ANKRD6: variants seen among roughly 807,000 people sequenced by gnomAD.
ANKRD6 encodes the protein ankyrin repeat domain-containing protein 6.
Under a neutral mutation model 82.3 loss-of-function variants are expected in ANKRD6, and 56 were observed. The observed-to-expected ratio is 0.68, with a 90% CI of 0.55 to 0.85. ANKRD6 has a LOEUF of 0.85. Ranked by LOEUF, ANKRD6 falls within the 40% of genes least tolerant of loss-of-function variation. The pLI, the probability that ANKRD6 is intolerant of heterozygous loss-of-function variation, is 0.00. For missense variants in ANKRD6, 852 were observed against 907.6 expected (o/e 0.94, Z 0.79); for synonymous variants, 347 against 352.1 (o/e 0.99, Z 0.16).
At chr6:89,516,074 A>T (rs1781178355) in intron 1 of ANKRD6, among the ~76,000 whole-genome samples, 1 of 152,134 alleles carries the variant, frequency 6.6e-6, no homozygotes, top group Non-Finnish European at 1.5e-5. Flanking sequence ...TGTGAGTGTG[A>T]TGGTTAATTT....
chr6:89,528,135 T>C (rs1782735121), intron 1 of ANKRD6, among the ~76,000 whole-genome samples: 1 of 152,216 alleles, frequency 6.6e-6, no homozygotes, highest in South Asian at 2.1e-4. Flanking sequence ...AGTCAGACGA[T>C]AGTGAGTTTG....
intron 1 of ANKRD6, among the ~76,000 whole-genome samples, chr6:89,518,200 C>G (rs1184641495): frequency 6.6e-6 from 1 of 151,894 alleles, no homozygotes; most frequent in Non-Finnish European, 1.5e-5. Flanking sequence ...GTCCAGAGTT[C>G]GTGACCAGCC....
chr6:89,457,724 T>TA (rs1773661251), intron 1 of ANKRD6, among the ~76,000 whole-genome samples: 1 of 152,258 alleles, frequency 6.6e-6, no homozygotes, highest in Admixed American at 6.5e-5. Flanking sequence ...ACTCTCAGGC[T>TA]AAAGTAATAA....
chr6:89,527,601 CAAAAAAAAAAA>C (rs35855223), intron 1 of ANKRD6, among the ~76,000 whole-genome samples: 195 of 45,692 alleles, frequency 4.3e-3, no homozygotes, highest in Middle Eastern at 0.025. Context: ...GACTCCGTCT[CAAAAAAAAAAA>C]AAAAAAAAAA....
At chr6:89,611,394 T>G (rs1422978434) in intron 5 of ANKRD6, among the ~76,000 whole-genome samples, 1 of 152,194 alleles carries the variant, frequency 6.6e-6, no homozygotes, top group East Asian at 1.9e-4. Flanking sequence ...TCCTGAGTGC[T>G]TGCAGGCTCT....
chr6:89,493,230 C>T (rs1487613931), intron 1 of ANKRD6, among the ~76,000 whole-genome samples: 1 of 152,128 alleles, frequency 6.6e-6, no homozygotes, highest in Non-Finnish European at 1.5e-5. Flanking sequence ...TGTTGCAGGG[C>T]CCTGCTCCCT....
At chr6:89,554,258 T>C (rs1786263766) in intron 1 of ANKRD6, among the ~76,000 whole-genome samples, 1 of 152,198 alleles carries the variant, frequency 6.6e-6, no homozygotes, top group African/African-American at 2.4e-5. Context: ...AGGAGACTGT[T>C]CCCTTGTATC....
At chr6:89,575,941 C>A (rs1791021431) in intron 2 of ANKRD6, among the ~76,000 whole-genome samples, 1 of 152,122 alleles carries the variant, frequency 6.6e-6, no homozygotes, top group Non-Finnish European at 1.5e-5. Flanking sequence ...GTCTTCAGAG[C>A]AAGTGGGGTT....
intron 1 of ANKRD6, among the ~76,000 whole-genome samples, chr6:89,502,288 A>G (rs1175155093): frequency 6.6e-6 from 1 of 152,218 alleles, no homozygotes; most frequent in Non-Finnish European, 1.5e-5. Flanking sequence ...CGTAACTATA[A>G]TAAAAATAAC....
At chr6:89,527,798 CA>C (rs905754213) in intron 1 of ANKRD6, among the ~76,000 whole-genome samples, 2 of 151,648 alleles carry the variant, frequency 1.3e-5, no homozygotes, top group Non-Finnish European at 2.9e-5. Context: ...GTTGCTATGG[CA>C]ATTTTGTTTT....
At chr6:89,498,053 C>T (rs1778845688) in intron 1 of ANKRD6, among the ~76,000 whole-genome samples, 1 of 152,074 alleles carries the variant, frequency 6.6e-6, no homozygotes, top group African/African-American at 2.4e-5. Context: ...AATATCAGTT[C>T]CAGAGGGATT....
chr6:89,625,791 T>C (rs2128269661), intron 13 of ANKRD6, among the ~76,000 whole-genome samples: 1 of 151,608 alleles, frequency 6.6e-6, no homozygotes, highest in Admixed American at 6.6e-5. Context: ...TAGAGTGCAG[T>C]GTGGCAATCT....
intron 2 of ANKRD6, among the ~76,000 whole-genome samples, chr6:89,593,904 C>T (rs1795357340): frequency 6.6e-6 from 1 of 152,166 alleles, no homozygotes; most frequent in Non-Finnish European, 1.5e-5. Flanking sequence ...CTTGATGTGG[C>T]ACCTTGGGAG....
At chr6:89,476,540 C>A (rs551582345) in intron 1 of ANKRD6, among the ~76,000 whole-genome samples, 10 of 152,164 alleles carry the variant, frequency 6.6e-5, no homozygotes, top group Non-Finnish European at 1.3e-4. Flanking sequence ...TTCTCCATAT[C>A]TTTCATCATG....
At chr6:89,557,054 G>A (rs1437406236) in intron 1 of ANKRD6, among the ~76,000 whole-genome samples, 2 of 152,124 alleles carry the variant, frequency 1.3e-5, no homozygotes, top group African/African-American at 4.8e-5. Flanking sequence ...TCCAGATTAG[G>A]GAAATAGATA....
At chr6:89,467,409 AC>A (rs1345633910) in intron 1 of ANKRD6, among the ~76,000 whole-genome samples, 2 of 152,162 alleles carry the variant, frequency 1.3e-5, no homozygotes, top group Non-Finnish European at 2.9e-5. Flanking sequence ...GGTGGAATAC[AC>A]TTCTTCATTC....
chr6:89,522,148 G>T (rs191471036), intron 1 of ANKRD6, among the ~76,000 whole-genome samples: 12 of 152,000 alleles, frequency 7.9e-5, no homozygotes, highest in Non-Finnish European at 1.5e-4. Flanking sequence ...AGACTTATCA[G>T]GGGGGAATTC....
intron 1 of ANKRD6, among the ~76,000 whole-genome samples, chr6:89,537,755 G>T (rs952512540): frequency 6.6e-6 from 1 of 151,436 alleles, no homozygotes; most frequent in Non-Finnish European, 1.5e-5. Context: ...AATTAGTTGG[G>T]CATAATGGCA....
intron 1 of ANKRD6, among the ~76,000 whole-genome samples, chr6:89,560,722 C>T (rs990285341): frequency 2.6e-5 from 4 of 152,096 alleles, no homozygotes; most frequent in African/African-American, 7.2e-5. Context: ...ACTCGGGAAG[C>T]TGAGGCAGGA....
Sources: gnomAD v4.1 joint callset for allele counts (sites outside exome capture counted in the v4.1 genomes callset) on GRCh38, gnomAD v4.1.1 for gene constraint, MANE v1.5 for transcripts, NCBI Gene and HGNC (gene_info 2026-07-23, HGNC 2026-07-21) for gene names.